The following KIF1C variants were observed in gnomAD, a reference collection of about 807,000 sequenced individuals.
KIF1C encodes the protein kinesin-like protein KIF1C.
In KIF1C, 61 loss-of-function variants were observed where a neutral mutation model predicts 126.5. The observed-to-expected ratio is 0.48, with a 90% CI of 0.39 to 0.60. The LOEUF is 0.60. Ranked by LOEUF, KIF1C falls within the 20% of genes least tolerant of loss-of-function variation. The pLI is 0.00. For missense variants in KIF1C, 1,315 were observed against 1,489.2 expected (o/e 0.88, Z 1.93); for synonymous variants, 640 against 580.6 (o/e 1.10, Z -1.47).
At position 5,023,626 on chromosome 17, in the gene KIF1C, G is replaced by A. The variant is rs2143392940; in HGVS notation, c.2787G>A (p.Glu929=). ...SSWERVSRLM[E]EDPAFRRGRL... is the part of the protein sequence containing the mutation. ...GGGAGCGGGTGTCACGGCTCATGGA[G>A]GAGGACCCTGCCTTCCGTCGTGGTC... Residue 929 remains glutamate, a synonymous_variant, in exon 23 of 23, where the codon GAG becomes GAA. Coordinates refer to ENST00000320785, the MANE Select transcript of KIF1C (RefSeq NM_006612.6). The surrounding 1 kb of genome is among the most constrained non-coding windows in gnomAD (Gnocchi z 4.2). The A allele has an allele frequency of 1.9e-6, 3 of 1,613,512 alleles. No individual in the cohort carries two copies. The East Asian group carries it at 6.7e-5, about 36-fold the overall frequency.
intron 6 of KIF1C, 126 bp downstream of exon 6, chr17:5,002,250 T>G (rs373712774): frequency 2.0e-6 from 2 of 1,020,580 alleles, no homozygotes; most frequent in South Asian, 1.3e-5. Context: ...GGGGCAGTGA[T>G]TCTGTCCTTC....
At chr17:5,007,422 G>A (rs774428550) in intron 15 of KIF1C, 45 bp from the exon 16 acceptor site, 9 of 1,611,226 alleles carry the variant, frequency 5.6e-6, no homozygotes, top group African/African-American at 4.0e-5. Context: ...AGGAGGTCAC[G>A]GGCAGTGAAG....
chr17:5,006,831 C>T, intron 13 of KIF1C, 84 bp from the exon 14 acceptor site: 1 of 1,410,008 alleles, frequency 7.1e-7, no homozygotes, highest in East Asian at 2.3e-5. Context: ...GACTGGTCCT[C>T]TGTGAAGCTC....
intron 1 of KIF1C, among the ~76,000 whole-genome samples, chr17:4,998,855 T>C (rs1043482261): frequency 6.6e-6 from 1 of 152,176 alleles, no homozygotes; most frequent in Non-Finnish European, 1.5e-5. Flanking sequence ...TCCGTGGGCG[T>C]GGGCTGCTCA....
intron 1 of KIF1C, 141 bp from the exon 2 acceptor site, chr17:4,999,709 A>G (rs1974527109): frequency 1.2e-5 from 2 of 160,546 alleles, no homozygotes; most frequent in African/African-American, 2.4e-5. Context: ...TTGGATTCAC[A>G]TTGCATTCAG....
intron 8 of KIF1C, among the ~76,000 whole-genome samples, chr17:5,003,339 A>G (rs1974648958): frequency 6.6e-6 from 1 of 151,974 alleles, no homozygotes; most frequent in Admixed American, 6.6e-5. Context: ...GAGCCACCAC[A>G]CCCGGCTGTT....
chr17:4,999,845 A>C lies in KIF1C; in HGVS notation c.-148-5A>C, dbSNP rs1974534991. The C allele has an allele frequency of 1.6e-5, 3 of 187,238 alleles. No individual in the cohort carries two copies. Among genetic ancestry groups the C allele is most frequent in the Non-Finnish European group, 3.4e-5 (3 of 88,104 alleles). The allele number at this position is 187,238 out of a possible 1,614,324, so 11.6% of individuals were successfully genotyped here. A position where few individuals can be genotyped will look rare whatever the true frequency, so the allele number is the denominator to read the frequency against. On this transcript the variant is annotated splice_polypyrimidine_tract_variant and splice_region_variant and intron_variant, in intron 1 of 22. Coordinates refer to ENST00000320785, the MANE Select transcript of KIF1C (RefSeq NM_006612.6). ...GCCTTCTAACAACTCTTCCCCCGCAATCAGGGTATCTCCCAGAGCCCCAGC... is the reference window on the plus strand; with the variant it reads ...GCCTTCTAACAACTCTTCCCCCGCACTCAGGGTATCTCCCAGAGCCCCAGC...
Position 5,024,044 on chromosome 17 carries a change from C to G in KIF1C, c.3205C>G (p.Pro1069Ala), listed in dbSNP as rs200907250. ...NSYPQPPQPY[P>A]AQRPPGPRYP... ...TTATCCCCAGCCACCCCAACCCTAC[C>G]CAGCCCAGCGGCCCCCAGGGCCCCG... Residue 1069 changes from proline (P) to alanine (A), a missense_variant, in exon 23 of 23, where the codon CCA becomes GCA. Transcript: ENST00000320785. The G allele has an allele frequency of 6.3e-7, 1 of 1,589,360 alleles. No individual in the cohort carries two copies. The highest frequency in any genetic ancestry group is 1.4e-5 in the African/African-American group (1 of 73,858).
chr17:4,998,333 G>GGAGGAC lies in KIF1C; in HGVS notation c.-149+179_-149+184dup, dbSNP rs1195708848. 3.3e-5 allele frequency among the ~76,000 whole-genome samples: 5 copies of GGAGGAC among 152,316 alleles called. No individual in the cohort carries two copies. In the South Asian group the frequency reaches 1.0e-3, roughly 32 times the overall value. On this transcript the variant is annotated intron_variant, in intron 1 of 22. Coordinates refer to ENST00000320785, the MANE Select transcript of KIF1C (RefSeq NM_006612.6). ...CGGGCGGCCGCCGGCTGGCTGGACA[G>GGAGGAC]GAGGACGGGTCCGCATGGCCGCCCT...
chr17:5,024,146 G>A lies in KIF1C; in HGVS notation c.3307G>A (p.Val1103Met), dbSNP rs775301108. Residue 1103 changes from valine to methionine, a missense_variant, in exon 23 of 23, where the codon GTG becomes ATG. Val to Met is a conservative substitution (Grantham distance 21). Transcript: ENST00000320785. Reference protein sequence around the residue: ...APDLKESGAAV With the variant: ...APDLKESGAAM ...TGACCTCAAGGAGAGTGGGGCAGCTGTGTGAGTCCCACATCCTGGGCAGAG... is the reference window on the plus strand; with the variant it reads ...TGACCTCAAGGAGAGTGGGGCAGCTATGTGAGTCCCACATCCTGGGCAGAG... The A allele has an allele frequency of 4.4e-6, 7 of 1,607,020 alleles. No homozygotes were observed. Among genetic ancestry groups the A allele is most frequent in the Non-Finnish European group, 5.9e-6 (7 of 1,176,502 alleles).
chr17:5,001,986 C>G (rs1974605590), intron 5 of KIF1C, 73 bp from the exon 6 acceptor site: 1 of 1,389,490 alleles, frequency 7.2e-7, no homozygotes, highest in Admixed American at 1.7e-5. Context: ...GGGACTGGGC[C>G]TGGCCTGTGG....
rs1975179680 is a variant in KIF1C at position 5,024,829 on chromosome 17, G to A, written c.*678G>A. The A allele has an allele frequency of 6.6e-6, 1 of 152,482 alleles. No homozygotes were observed. The highest frequency in any genetic ancestry group is 2.1e-4 in the South Asian group (1 of 4,824). 9.4% of individuals were successfully genotyped at this position (152,482 alleles called of 1,614,324 possible). On this transcript the variant is annotated 3_prime_UTR_variant, in exon 23 of 23. Transcript: ENST00000320785. ...CTCTGTGCAGGCACCACCCAGATCT[G>A]GATATAAGAATGTTTCCATCTTGTC...
intron 17 of KIF1C, among the ~76,000 whole-genome samples, chr17:5,014,036 G>C (rs1375393117): frequency 6.6e-6 from 1 of 152,204 alleles, no homozygotes; most frequent in Non-Finnish European, 1.5e-5. Flanking sequence ...GCCTCCCTTG[G>C]TGGGGCCTTC....
At chr17:4,999,345 A>T (rs1305069965) in intron 1 of KIF1C, among the ~76,000 whole-genome samples, 1 of 152,126 alleles carries the variant, frequency 6.6e-6, no homozygotes, top group African/African-American at 2.4e-5. Flanking sequence ...TTGCATTTGC[A>T]GTTTCCTCTC....
At chr17:5,019,452 C>G (rs1421281927) in intron 18 of KIF1C, 1 of 168,438 alleles carries the variant, frequency 5.9e-6, no homozygotes, top group Admixed American at 6.4e-5. Context: ...CTGGCAGGCT[C>G]AGTGATTTGT....
intron 3 of KIF1C, among the ~76,000 whole-genome samples, 158 bp from the exon 4 acceptor site, chr17:5,000,614 T>C (rs1213236768): frequency 7.7e-6 from 1 of 130,264 alleles, no homozygotes; most frequent in Non-Finnish European, 1.6e-5. Context: ...AAATTAGCTT[T>C]GGTGGCTGGA....
intron 18 of KIF1C, among the ~76,000 whole-genome samples, chr17:5,018,712 AAAAG>A (rs1358188157): frequency 6.6e-6 from 1 of 152,028 alleles, no homozygotes; most frequent in Non-Finnish European, 1.5e-5. Flanking sequence ...TCAAAAAAAA[AAAAG>A]AAAAAAGAAA....
chr17:5,005,459 G>A (rs1282000209), intron 13 of KIF1C, among the ~76,000 whole-genome samples: 5 of 152,184 alleles, frequency 3.3e-5, no homozygotes, highest in African/African-American at 1.2e-4. Flanking sequence ...CAGAGGATGT[G>A]TAATCCATGT....
At chr17:4,998,449 C>T (rs1248571837) in intron 1 of KIF1C, among the ~76,000 whole-genome samples, 1 of 152,202 alleles carries the variant, frequency 6.6e-6, no homozygotes, top group Non-Finnish European at 1.5e-5. Context: ...GGCCCCACCC[C>T]AGCCGCCCAG....
Sources: gnomAD v4.1 joint callset for allele counts (sites outside exome capture counted in the v4.1 genomes callset) on GRCh38, gnomAD v4.1.1 for gene constraint, Gnocchi (gnomAD v3.1) non-coding constraint, MANE v1.5 for transcripts, NCBI Gene and HGNC (gene_info 2026-07-23, HGNC 2026-07-21) for gene names.